NAV1: variants seen among roughly 807,000 people sequenced by gnomAD.
NAV1 encodes neuron navigator 1, also known as pore membrane and/or filament interacting like protein 3.
NAV1 carries 18 observed loss-of-function variants against 175.2 expected under a neutral mutation model. The observed-to-expected ratio is 0.10, with a 90% CI of 0.07 to 0.15. NAV1 has a LOEUF of 0.15. NAV1 is among the 10% of genes least tolerant of loss of function. The probability of loss-of-function intolerance (pLI) is 1.00; values close to 1 mark genes in which losing one functional copy is unlikely to be tolerated. For missense variants in NAV1, 1,731 were observed against 2,436.6 expected, an observed-to-expected ratio of 0.71 and a Z score of 6.10; for synonymous variants, 897 against 978.7, an observed-to-expected ratio of 0.92 and a Z score of 1.56.
chr1:201,697,127 C>A (rs552027557), intron 1 of NAV1, among the ~76,000 whole-genome samples: 1 of 152,070 alleles, frequency 6.6e-6, no homozygotes, highest in Admixed American at 6.5e-5. Context: ...CAATTGATAC[C>A]CAAGCCCTGG....
chr1:201,780,711 C>T, intron 4 of NAV1, 152 bp downstream of exon 8: 2 of 1,058,736 alleles, frequency 1.9e-6, no homozygotes, highest in Non-Finnish European at 2.7e-6. Context: ...TGCCCCCACC[C>T]CCTCCCAAAA....
intron 1 of NAV1, among the ~76,000 whole-genome samples, chr1:201,567,063 C>A (rs956783873): frequency 5.9e-5 from 9 of 152,176 alleles, no homozygotes; most frequent in South Asian, 4.2e-4. Context: ...TCCCACCCCC[C>A]ATCCCCAGCC....
chr1:201,582,947 G>A (rs916419723), intron 1 of NAV1, among the ~76,000 whole-genome samples: 1 of 152,220 alleles, frequency 6.6e-6, no homozygotes, highest in African/African-American at 2.4e-5. Flanking sequence ...GATCTTAACT[G>A]TCATCCTTGC....
At position 201,616,623 on chromosome 1, in the gene NAV1, G is replaced by A. The variant is rs569754820; in HGVS notation, c.-32-6230G>A. On this transcript the variant is annotated intron_variant, in intron 2 of 33. Transcript: ENST00000685211. ...CTGCCTCAGCCTCCTGAGTAGCTGG[G>A]ATTACAGGCATGCGCCACCACGCCC... Among the ~76,000 whole-genome samples the A allele has an allele frequency of 9.7e-4, 147 of 152,276 alleles. 1 individual carries two copies. The highest frequency in any genetic ancestry group is 2.0e-3 in the Non-Finnish European group (135 of 68,030).
chr1:201,569,181 A>AC (rs1350867031), intron 1 of NAV1, among the ~76,000 whole-genome samples: 1 of 151,808 alleles, frequency 6.6e-6, no homozygotes, highest in Non-Finnish European at 1.5e-5. Context: ...GTGAAAAGCC[A>AC]CCCCCCTCCA....
intron 2 of NAV1, among the ~76,000 whole-genome samples, chr1:201,633,196 C>T (rs1219658835): frequency 6.6e-6 from 1 of 152,178 alleles, no homozygotes; most frequent in Non-Finnish European, 1.5e-5. Flanking sequence ...TAAACCAGGA[C>T]CACTGCTTTC....
chr1:201,797,028 C>T (rs1456024567), intron 15 of NAV1: 11 of 152,128 alleles, frequency 7.2e-5, no homozygotes, highest in Non-Finnish European at 1.6e-4. Context: ...CCTTTGGCTA[C>T]TTGTGCTTTA....
At chr1:201,783,269 T>G in intron 6 of NAV1, 137 bp from the exon 11 acceptor site, 2 of 926,236 alleles carry the variant, frequency 2.2e-6, no homozygotes, top group Non-Finnish European at 3.3e-6. Flanking sequence ...GCATTGTATT[T>G]CACAACAGCA....
chr1:201,608,549 C>T (rs913295945), intron 2 of NAV1, among the ~76,000 whole-genome samples: 5 of 152,200 alleles, frequency 3.3e-5, no homozygotes, highest in African/African-American at 4.8e-5. Flanking sequence ...CAGTTGCTCT[C>T]CTGGGTCTGC....
chr1:201,599,835 T>A (rs1667469164), intron 2 of NAV1, among the ~76,000 whole-genome samples: 1 of 152,182 alleles, frequency 6.6e-6, no homozygotes, highest in Non-Finnish European at 1.5e-5. Flanking sequence ...CATAGGCATC[T>A]CCAGGGAGAG....
At chr1:201,573,503 A>G (rs1666607251) in intron 1 of NAV1, among the ~76,000 whole-genome samples, 1 of 152,172 alleles carries the variant, frequency 6.6e-6, no homozygotes, top group South Asian at 2.1e-4. Flanking sequence ...TCTTCCTGAC[A>G]GAGAGCTTTG....
At chr1:201,554,142 G>A (rs1016582800) in intron 1 of NAV1, among the ~76,000 whole-genome samples, 4 of 152,204 alleles carry the variant, frequency 2.6e-5, no homozygotes, top group Non-Finnish European at 4.4e-5. Context: ...CATTTGTAGA[G>A]GGGCCCCTGG....
chr1:201,772,118 T>C (rs1385471607), intron 3 of NAV1, among the ~76,000 whole-genome samples: 2 of 152,336 alleles, frequency 1.3e-5, no homozygotes, highest in African/African-American at 2.4e-5. Flanking sequence ...CAGGGAAATA[T>C]AGTCTAGTGA....
upstream of NAV1, among the ~76,000 whole-genome samples, chr1:201,620,514 A>G (rs1002693791): frequency 4.6e-5 from 6 of 130,220 alleles, no homozygotes. Context: ...GCTGGAGTGC[A>G]GTGGCGCAAT....
chr1:201,712,981 G>C (rs1441664830), intron 2 of NAV1, 62 bp downstream of exon 6: 1 of 1,326,772 alleles, frequency 7.5e-7, no homozygotes, highest in African/African-American at 1.4e-5. Flanking sequence ...CCCCATTCTG[G>C]AGGGCAGGGC....
chr1:201,779,604 A>G (rs899933996), intron 3 of NAV1, among the ~76,000 whole-genome samples: 10 of 147,330 alleles, frequency 6.8e-5, no homozygotes, highest in Admixed American at 6.7e-4. Context: ...GTCTCAAAAA[A>G]AAAAAAAAAA....
chr1:201,582,791 G>A (rs1666903970), intron 1 of NAV1, among the ~76,000 whole-genome samples: 1 of 152,208 alleles, frequency 6.6e-6, no homozygotes, highest in Non-Finnish European at 1.5e-5. Context: ...AAAGTGCTAA[G>A]GTCCAGTCCC....
intron 3 of NAV1, among the ~76,000 whole-genome samples, chr1:201,777,244 G>A (rs907711246): frequency 1.3e-5 from 2 of 152,148 alleles, no homozygotes; most frequent in Admixed American, 6.5e-5. Flanking sequence ...ATAGAGAATC[G>A]CCAGGATAAT....
At position 201,610,121 on chromosome 1, in the gene NAV1, C is replaced by A. The variant is rs547153567; in HGVS notation, c.-32-12732C>A. 8.5e-5 allele frequency among the ~76,000 whole-genome samples: 13 copies of A among 152,294 alleles called. No homozygotes were observed. The South Asian group carries it at 2.7e-3, about 32-fold the overall frequency. On this transcript the variant is annotated intron_variant, in intron 2 of 33. Transcript: ENST00000685211. ...TGAAGGAAGCTGTGTGCCGGCTGCACCTGCTTCCCATGCCAGCTCAACTTC... is the reference window on the plus strand; with the variant it reads ...TGAAGGAAGCTGTGTGCCGGCTGCAACTGCTTCCCATGCCAGCTCAACTTC...
Sources: gnomAD v4.1 joint callset for allele counts (sites outside exome capture counted in the v4.1 genomes callset) on GRCh38, gnomAD v4.1.1 for gene constraint, MANE v1.5 for transcripts, NCBI Gene and HGNC (gene_info 2026-07-23, HGNC 2026-07-21) for gene names.